Variants in UNC5CL observed in about 807,000 individuals in gnomAD.
UNC5CL encodes the protein unc-5 family C-terminal like.
A neutral mutation model predicts 54.1 loss-of-function variants in UNC5CL; 42 were observed. The ratio of observed to expected loss-of-function variants is 0.78; its 90% CI spans 0.61 to 1.00. The LOEUF (loss-of-function observed/expected upper bound fraction) is 1.00. Ranked by LOEUF, UNC5CL falls within the 50% of genes least tolerant of loss-of-function variation. UNC5CL has a pLI of 0.00. For missense variants in UNC5CL, 619 were observed against 675.6 expected, an observed-to-expected ratio of 0.92 and a Z score of 0.93; for synonymous variants, 285 against 285.1, an observed-to-expected ratio of 1.00 and a Z score of 0.00.
Position 41,029,086 on chromosome 6 carries a change from ACCT to A in UNC5CL, c.1335-494_1335-492del, listed in dbSNP as rs1762424428. ...CCACTAAAACCTTCCAGAGTCTCTC[ACCT>A]CCTAACCAGCCCACGCTCCATGAGC... On this transcript the variant is annotated intron_variant, in intron 8 of 8. Transcript: ENST00000244565. This position sits in a 1 kb window ranked among gnomAD's most constrained non-coding sequence, Gnocchi z 4.1. Among the ~76,000 whole-genome samples the A allele has an allele frequency of 6.6e-6, 1 of 151,850 alleles. No homozygotes were observed. Among genetic ancestry groups the A allele is most frequent in the South Asian group, 2.1e-4 (1 of 4,798 alleles).
intron 1 of UNC5CL, among the ~76,000 whole-genome samples, chr6:41,037,944 C>G (rs1762542489): frequency 6.6e-6 from 1 of 152,234 alleles, no homozygotes; most frequent in Non-Finnish European, 1.5e-5. Flanking sequence ...CTCATCTCAT[C>G]CTCACAGCAG....
At chr6:41,034,456 A>G (rs6924722) in intron 2 of UNC5CL, among the ~76,000 whole-genome samples, 42,523 of 152,126 alleles carry the variant, frequency 0.28, 6,117 homozygotes, top group South Asian at 0.37. Context: ...TCCCTTTACT[A>G]GAGAATTGTC....
chr6:41,033,819 G>A, intron 3 of UNC5CL, 62 bp downstream of exon 3: 4 of 1,534,460 alleles, frequency 2.6e-6, no homozygotes, highest in Non-Finnish European at 3.5e-6. Flanking sequence ...AGAGAAAGTG[G>A]GCAGGAAAGA....
At position 41,032,897 on chromosome 6, in the gene UNC5CL, C is replaced by T. The variant is rs200663452; in HGVS notation, c.936G>A (p.Thr312=). 124 of 1,602,708 alleles carry T rather than the reference C, an allele frequency of 7.7e-5. No individual in the cohort carries two copies. The highest frequency in any genetic ancestry group is 3.9e-4 in the Admixed American group (23 of 58,598). ...TGCCTCCCTCACCCTCTGAGATGTA[C>T]GTGAGCTTCAGGCACTGGTCGCCCC... The part of the protein sequence containing the change: ...GARGDQCLKL[T]YISEGWENVD... Residue 312 remains threonine (T), a synonymous_variant, in exon 4 of 9, where the codon ACG becomes ACA. Coordinates refer to ENST00000244565, the MANE Select transcript of UNC5CL (RefSeq NM_173561.3).
rs770624529 is a variant in UNC5CL, at chr6:41,034,006, C to T, written c.561G>A (p.Gln187=). 4 of 1,614,188 alleles carry T rather than the reference C, an allele frequency of 2.5e-6. No individual in the cohort carries two copies. Among genetic ancestry groups the T allele is most frequent in the Non-Finnish European group, 3.4e-6 (4 of 1,180,028 alleles). The change falls in exon 3 of 9, where the codon CAG becomes CAA. Residue 187 remains glutamine, a synonymous_variant. Transcript: ENST00000244565. The stretch of plus-strand genomic sequence containing the variant: ...TGCTGTAGGTGCGAGCATGGCTGGG[C>T]TGCTCGGCACAGTGTTTGAACGTGA... ...CTLTFKHCAE[Q]PSHARTYSSN... is the part of the protein sequence containing the mutation.
At chr6:41,034,289 A>G in intron 2 of UNC5CL, 108 bp from the exon 3 acceptor site, 1 of 1,322,854 alleles carries the variant, frequency 7.6e-7, no homozygotes, top group Non-Finnish European at 1.0e-6. Context: ...CCCAGGAGAG[A>G]CCCCCAGCAG....
chr6:41,032,167 C>T, intron 4 of UNC5CL, 30 bp from the exon 5 acceptor site: 1 of 1,588,418 alleles, frequency 6.3e-7, no homozygotes, highest in Non-Finnish European at 8.6e-7. Flanking sequence ...CAGAGGGCCT[C>T]AGAGAGTGGG....
rs1762463152 is a variant in UNC5CL at position 41,032,231 on chromosome 6, G to A, written c.950-94C>T. On this transcript the variant is annotated intron_variant, in intron 4 of 8. Transcript: ENST00000244565. ...GGGGAGGCATGAGGACAGAACAAAG[G>A]CAGGAGGGTCTCAAGGGAATGGGAA... is the stretch of plus-strand genomic sequence containing the variant. The A allele has an allele frequency of 2.9e-6, 3 of 1,025,542 alleles. No homozygotes were observed. In the Admixed American group the frequency reaches 6.0e-5, roughly 20 times the overall value. 63.5% of individuals were successfully genotyped at this position (1,025,542 alleles called of 1,614,324 possible). A position where few individuals can be genotyped will look rare whatever the true frequency, so the allele number is the denominator to read the frequency against.
chr6:41,026,904 T>C lies in UNC5CL; in HGVS notation c.*1469A>G, dbSNP rs1762394800. The C allele has an allele frequency of 6.6e-6, 1 of 152,214 alleles. No individual in the cohort carries two copies. Among genetic ancestry groups the C allele is most frequent in the African/African-American group, 2.4e-5 (1 of 41,446 alleles). 9.4% of individuals were successfully genotyped at this position (152,214 alleles called of 1,614,324 possible). On this transcript the variant is annotated 3_prime_UTR_variant, in exon 9 of 9. Coordinates refer to ENST00000244565, the MANE Select transcript of UNC5CL (RefSeq NM_173561.3). The stretch of plus-strand genomic sequence containing the variant: ...GAAGGCAATTTTCATATTTTATCAT[T>C]CATCATAGAAAAAAAGCTTTAATAT...
rs966857254 is a variant in UNC5CL at position 41,027,210 on chromosome 6, C to T, written c.*1163G>A. Reference sequence around the variant, plus strand: ...TCTTGATCCATGGGGAAAATATCCCCACCCATCCATTCCTAGAGTAGCCCT... The same window carrying T: ...TCTTGATCCATGGGGAAAATATCCCTACCCATCCATTCCTAGAGTAGCCCT... On this transcript the variant is annotated 3_prime_UTR_variant, in exon 9 of 9. Coordinates refer to ENST00000244565, the MANE Select transcript of UNC5CL (RefSeq NM_173561.3). 18 of 152,348 alleles carry T rather than the reference C, an allele frequency of 1.2e-4. No homozygotes were observed. The highest frequency in any genetic ancestry group is 4.1e-4 in the African/African-American group (17 of 41,576). The allele number at this position is 152,348 out of a possible 1,614,324, so 9.4% of individuals were successfully genotyped here.
intron 8 of UNC5CL, 148 bp downstream of exon 8, chr6:41,030,240 G>A (rs1302597474): frequency 7.3e-6 from 5 of 680,932 alleles, no homozygotes; most frequent in Non-Finnish European, 1.3e-5. Context: ...TAATAGAGCT[G>A]CCCTTTTATG....
Position 41,033,598 on chromosome 6 carries a change from G to A in UNC5CL, c.686+283C>T, listed in dbSNP as rs1762482024. The A allele has an allele frequency of 1.3e-4, 71 of 546,894 alleles. 1 individual carries two copies. In the South Asian group the frequency reaches 1.8e-3, roughly 14 times the overall value. 33.9% of individuals were successfully genotyped at this position (546,894 alleles called of 1,614,324 possible). On this transcript the variant is annotated intron_variant, in intron 3 of 8. Coordinates refer to ENST00000244565, the MANE Select transcript of UNC5CL (RefSeq NM_173561.3). ...GATAATTTGAAAGACAGAGAGAGATGGGAAAGACAGGTCCCTCTTAGATGG... is the reference window on the plus strand; with the variant it reads ...GATAATTTGAAAGACAGAGAGAGATAGGAAAGACAGGTCCCTCTTAGATGG...
At position 41,028,253 on chromosome 6, in the gene UNC5CL, C is replaced by T. The variant is rs990376263; in HGVS notation, c.*120G>A. The T allele has an allele frequency of 2.6e-6, 3 of 1,142,488 alleles. No homozygotes were observed. Among genetic ancestry groups the T allele is most frequent in the Non-Finnish European group, 3.6e-6 (3 of 835,264 alleles). 70.8% of individuals were successfully genotyped at this position (1,142,488 alleles called of 1,614,324 possible). Reference sequence around the variant, plus strand: ...GCGAGGACGCGGGCGGCCCTGGCACCGTCCGAGGGTTCTGGGAAGGGTGGT... The same window carrying T: ...GCGAGGACGCGGGCGGCCCTGGCACTGTCCGAGGGTTCTGGGAAGGGTGGT... On this transcript the variant is annotated 3_prime_UTR_variant, in exon 9 of 9. Coordinates refer to ENST00000244565, the MANE Select transcript of UNC5CL (RefSeq NM_173561.3). This position sits in a 1 kb window ranked among gnomAD's most constrained non-coding sequence, Gnocchi z 4.3.
At position 41,030,732 on chromosome 6, in the gene UNC5CL, T is replaced by A; in HGVS notation, c.1143A>T (p.Glu381Asp). The A allele has an allele frequency of 1.9e-6, 3 of 1,614,006 alleles. No homozygotes were observed. The highest frequency in any genetic ancestry group is 2.5e-6 in the Non-Finnish European group (3 of 1,179,988). Residue 381 changes from glutamate (E) to aspartate (D), a missense_variant, in exon 7 of 9, where the codon GAA becomes GAT. By Grantham distance (45) the Glu-to-Asp change is conservative. Coordinates refer to ENST00000244565, the MANE Select transcript of UNC5CL (RefSeq NM_173561.3). ...FQDGLETKYM[E>D]ILRFQASEEE... The stretch of plus-strand genomic sequence containing the variant: ...CCTCTGATGCCTGGAATCTGAGGAT[T>A]TCCATATACTTGGTCTCCAAGCCCT...
rs149857602 is a variant in UNC5CL at position 41,034,701 on chromosome 6, A to C, written c.374T>G (p.Leu125Arg). 6 of 1,602,572 alleles carry C rather than the reference A, an allele frequency of 3.7e-6. No individual in the cohort carries two copies. The highest frequency in any genetic ancestry group is 5.1e-6 in the Non-Finnish European group (6 of 1,179,480). Residue 125 changes from leucine to arginine, a missense_variant, in exon 2 of 9, where the codon CTC (leucine) becomes CGC (arginine). Coordinates refer to ENST00000244565, the MANE Select transcript of UNC5CL (RefSeq NM_173561.3). ...CCAGGAGCTGTTACCTGGTGGGATGAGCAAGGAGATGCCTGTATCCTGGAG... is the reference window on the plus strand; with the variant it reads ...CCAGGAGCTGTTACCTGGTGGGATGCGCAAGGAGATGCCTGTATCCTGGAG... The part of the protein sequence containing the change: ...LMLQDTGISL[L>R]IPPGAVAVGR...
rs1762432782 is a variant in UNC5CL at position 41,029,893 on chromosome 6, C to T, written c.1334+495G>A. Among the ~76,000 whole-genome samples, 1 of 152,166 alleles carries T rather than the reference C, an allele frequency of 6.6e-6. No homozygotes were observed. The highest frequency in any genetic ancestry group is 1.5e-5 in the Non-Finnish European group (1 of 68,026). On this transcript the variant is annotated intron_variant, in intron 8 of 8. Coordinates refer to ENST00000244565, the MANE Select transcript of UNC5CL (RefSeq NM_173561.3). This position sits in a 1 kb window ranked among gnomAD's most constrained non-coding sequence, Gnocchi z 4.1. ...CCCTGTTTTCAGGGTCCAGCTCTAG[C>T]CCCATCACCAGGATAAAGTCTTCCC... is the stretch of plus-strand genomic sequence containing the variant.
chr6:41,031,930 A>G, intron 5 of UNC5CL, 106 bp downstream of exon 5: 1 of 1,298,986 alleles, frequency 7.7e-7, no homozygotes, highest in Non-Finnish European at 1.1e-6. Flanking sequence ...GTCTGTGTGC[A>G]TGGCTGCATG....
rs536738139 is a variant in UNC5CL at position 41,029,844 on chromosome 6, A to G, written c.1334+544T>C. ...GAGCAAGACTCCGTCTCAAATAATG[A>G]TAATAATAATAAATAAAAATCCACC... On this transcript the variant is annotated intron_variant, in intron 8 of 8. Coordinates refer to ENST00000244565, the MANE Select transcript of UNC5CL (RefSeq NM_173561.3). The surrounding 1 kb of genome is among the most constrained non-coding windows in gnomAD (Gnocchi z 4.1). Among the ~76,000 whole-genome samples the G allele has an allele frequency of 3.3e-5, 5 of 152,096 alleles. No homozygotes were observed. The highest frequency in any genetic ancestry group is 5.9e-5 in the Non-Finnish European group (4 of 68,008).
At chr6:41,037,862 T>C (rs1762541743) in intron 1 of UNC5CL, among the ~76,000 whole-genome samples, 1 of 152,264 alleles carries the variant, frequency 6.6e-6, no homozygotes, top group Admixed American at 6.5e-5. Context: ...TAATTCCAAC[T>C]GTAATAACAA....
Sources: allele counts gnomAD v4.1 joint callset (sites outside exome capture counted in the v4.1 genomes callset), GRCh38; gene constraint gnomAD v4.1.1; non-coding constraint Gnocchi (gnomAD v3.1); transcripts MANE v1.5; gene names NCBI Gene and HGNC (gene_info 2026-07-23, HGNC 2026-07-21).